The following BBS9 variants were observed in gnomAD, a reference collection of about 807,000 sequenced individuals.
BBS9 encodes protein PTHB1.
BBS9 carries 89 observed loss-of-function variants against 117.7 expected under a neutral mutation model. The ratio of observed to expected loss-of-function variants is 0.76; its 90% confidence interval spans 0.64 to 0.90. BBS9 has a LOEUF of 0.90. Ranked by LOEUF, BBS9 falls within the 40% of genes least tolerant of loss-of-function variation. The probability of loss-of-function intolerance (pLI) is 0.00; values close to 1 mark genes in which losing one functional copy is unlikely to be tolerated. For synonymous variants in BBS9, 379 were observed against 370.9 expected (o/e 1.02, Z -0.25); for missense variants, 982 against 1,042.2 (o/e 0.94, Z 0.80).
intron 9 of BBS9, among the ~76,000 whole-genome samples, chr7:33,279,062 G>A (rs1324275514): frequency 1.3e-5 from 2 of 152,188 alleles, no homozygotes; most frequent in African/African-American, 2.4e-5. Context: ...TTTAGAGACA[G>A]GGTCTTGCTC....
intron 4 of BBS9, among the ~76,000 whole-genome samples, chr7:33,164,601 T>A (rs912301314): frequency 1.3e-5 from 2 of 152,230 alleles, no homozygotes; most frequent in Non-Finnish European, 2.9e-5. Flanking sequence ...TCTTTGTCTC[T>A]TTTGATCTTT....
intron 19 of BBS9, among the ~76,000 whole-genome samples, chr7:33,407,696 C>A (rs1462075331): frequency 3.9e-5 from 6 of 152,202 alleles, no homozygotes; most frequent in Admixed American, 6.5e-5. Flanking sequence ...TGCTAGAGGT[C>A]CACTCCAGAC....
At chr7:33,360,383 C>T (rs1283332572) in intron 16 of BBS9, among the ~76,000 whole-genome samples, 2 of 152,048 alleles carry the variant, frequency 1.3e-5, no homozygotes, top group East Asian at 3.9e-4. Flanking sequence ...GTCCAGTACC[C>T]CAAACCTTGC....
intron 20 of BBS9, among the ~76,000 whole-genome samples, chr7:33,508,769 C>T (rs1241705349): frequency 6.6e-6 from 1 of 152,200 alleles, no homozygotes; most frequent in African/African-American, 2.4e-5. Context: ...CTTGAATGCT[C>T]ATGAAGCTGG....
At chr7:33,289,417 T>C (rs554840211) in intron 9 of BBS9, among the ~76,000 whole-genome samples, 8 of 152,178 alleles carry the variant, frequency 5.3e-5, no homozygotes, top group Admixed American at 6.5e-5. Context: ...GAATAAAAAA[T>C]GAAAGATAAA....
At chr7:33,236,703 T>A (rs1265662624) in intron 5 of BBS9, among the ~76,000 whole-genome samples, 1 of 152,136 alleles carries the variant, frequency 6.6e-6, no homozygotes, top group Admixed American at 6.5e-5. Flanking sequence ...TTGATCTATG[T>A]ATACATTGTA....
intron 21 of BBS9, among the ~76,000 whole-genome samples, chr7:33,618,916 T>A (rs1239815172): frequency 6.6e-6 from 1 of 151,222 alleles, no homozygotes; most frequent in Non-Finnish European, 1.5e-5. Flanking sequence ...ATGAAAAAAA[T>A]TATCAAATTA....
intron 5 of BBS9, among the ~76,000 whole-genome samples, chr7:33,229,517 T>G (rs538813227): frequency 6.6e-6 from 1 of 152,312 alleles, no homozygotes; most frequent in South Asian, 2.1e-4. Context: ...GCTTATTTCC[T>G]TTTGCATAAT....
At chr7:33,590,453 T>TTTGTTGTTTTTTTG (rs1563412345) in intron 21 of BBS9, among the ~76,000 whole-genome samples, 1 of 108,484 alleles carries the variant, frequency 9.2e-6, no homozygotes, top group African/African-American at 5.9e-5. Context: ...GTTTTTTTGT[T>TTTGTTGTTTTTTTG]TTTTTGTTTT....
chr7:33,388,844 AGACTTT>A (rs1230464428), intron 19 of BBS9, among the ~76,000 whole-genome samples: 1 of 152,218 alleles, frequency 6.6e-6, no homozygotes, highest in African/African-American at 2.4e-5. Flanking sequence ...GTTATAATGA[AGACTTT>A]GAATGACTAT....
chr7:33,426,623 A>T (rs568521111), intron 19 of BBS9, among the ~76,000 whole-genome samples: 1 of 152,034 alleles, frequency 6.6e-6, no homozygotes, highest in South Asian at 2.1e-4. Context: ...CTGGGGATTC[A>T]CTAAGCCACA....
chr7:33,634,674 G>A (rs1487536916), intron 21 of BBS9, among the ~76,000 whole-genome samples: 1 of 152,154 alleles, frequency 6.6e-6, no homozygotes, highest in Non-Finnish European at 1.5e-5. Flanking sequence ...TGTAGGAAAC[G>A]GCTAAAGAAA....
chr7:33,521,732 G>A (rs1234859468), intron 20 of BBS9, among the ~76,000 whole-genome samples: 1 of 151,004 alleles, frequency 6.6e-6, no homozygotes, highest in African/African-American at 2.4e-5. Context: ...ACATTCAAAG[G>A]GCTGTTTTCT....
intron 21 of BBS9, among the ~76,000 whole-genome samples, chr7:33,539,317 C>T (rs1851916086): frequency 6.6e-6 from 1 of 152,150 alleles, no homozygotes; most frequent in Non-Finnish European, 1.5e-5. Context: ...AATAGTGGCT[C>T]AGAGCCAGGT....
At chr7:33,366,976 A>G (rs974650835) in intron 16 of BBS9, among the ~76,000 whole-genome samples, 3 of 152,210 alleles carry the variant, frequency 2.0e-5, no homozygotes, top group Non-Finnish European at 4.4e-5. Flanking sequence ...CAGAGGGCAC[A>G]TAATATTTGT....
At chr7:33,521,483 C>A (rs947065216) in intron 20 of BBS9, among the ~76,000 whole-genome samples, 1 of 151,986 alleles carries the variant, frequency 6.6e-6, no homozygotes, top group Non-Finnish European at 1.5e-5. Flanking sequence ...GACAAAGATA[C>A]GGAGAACTCC....
At chr7:33,486,110 A>G (rs953983304) in intron 19 of BBS9, among the ~76,000 whole-genome samples, 1 of 152,214 alleles carries the variant, frequency 6.6e-6, no homozygotes, top group Non-Finnish European at 1.5e-5. Flanking sequence ...GGCACAATTT[A>G]GCCTTATTGT....
chr7:33,547,911 G>C (rs1316594371), intron 21 of BBS9, among the ~76,000 whole-genome samples: 1 of 152,096 alleles, frequency 6.6e-6, no homozygotes, highest in Non-Finnish European at 1.5e-5. Context: ...GAAGATTAGT[G>C]GAAAAATATT....
intron 7 of BBS9, among the ~76,000 whole-genome samples, chr7:33,269,450 G>A (rs1315834451): frequency 6.6e-6 from 1 of 152,060 alleles, no homozygotes; most frequent in Non-Finnish European, 1.5e-5. Context: ...CATCTCTCTT[G>A]GGTGAAGCCC....
Sources: gnomAD v4.1 joint callset for allele counts (sites outside exome capture counted in the v4.1 genomes callset) on GRCh38, gnomAD v4.1.1 for gene constraint, MANE v1.5 for transcripts, NCBI Gene and HGNC (gene_info 2026-07-23, HGNC 2026-07-21) for gene names.